Variants in HTR1F observed in about 807,000 individuals in gnomAD.
The protein encoded by HTR1F is 5-hydroxytryptamine receptor 1F.
Under a neutral mutation model 24.0 loss-of-function variants are expected in HTR1F, and 17 were observed. The observed-to-expected ratio is 0.71, with a 90% CI of 0.48 to 1.06. The LOEUF is 1.06. Ranked by LOEUF, HTR1F falls within the 50% of genes least tolerant of loss-of-function variation. The pLI is 0.00. For missense variants in HTR1F, 391 were observed against 427.8 expected, an observed-to-expected ratio of 0.91 and a Z score of 0.76; for synonymous variants, 186 against 156.8, an observed-to-expected ratio of 1.19 and a Z score of -1.39.
At chr3:87,903,080 A>G (rs1576008514) in intron 2 of HTR1F, among the ~76,000 whole-genome samples, 2 of 152,108 alleles carry the variant, frequency 1.3e-5, no homozygotes, top group South Asian at 4.2e-4. Context: ...ATATGTAGAA[A>G]GCTGAAACTG....
At chr3:87,914,797 G>T (rs564017720) in intron 2 of HTR1F, among the ~76,000 whole-genome samples, 1 of 152,142 alleles carries the variant, frequency 6.6e-6, no homozygotes, top group South Asian at 2.1e-4. Context: ...ACTCTTGGGA[G>T]TTCTAGGGCC....
chr3:87,871,915 A>G (rs1705566944), intron 2 of HTR1F, among the ~76,000 whole-genome samples: 1 of 152,140 alleles, frequency 6.6e-6, no homozygotes, highest in African/African-American at 2.4e-5. Flanking sequence ...AATGGACCTA[A>G]CAAACATATA....
intron 2 of HTR1F, among the ~76,000 whole-genome samples, chr3:87,851,450 A>C (rs536421878): frequency 1.3e-5 from 2 of 151,672 alleles, no homozygotes; most frequent in Non-Finnish European, 2.9e-5. Flanking sequence ...GGTAATCTAT[A>C]AAAATTTGCT....
intron 1 of HTR1F, among the ~76,000 whole-genome samples, chr3:87,819,765 T>C (rs1302224938): frequency 1.3e-5 from 2 of 151,982 alleles, no homozygotes; most frequent in African/African-American, 4.8e-5. Flanking sequence ...GAATATTAGC[T>C]AATAGGGGCA....
chr3:87,878,988 T>C lies in HTR1F; in HGVS notation c.-43+56864T>C, dbSNP rs1705728896. Among the ~76,000 whole-genome samples, 3 of 152,192 alleles carry C rather than the reference T, an allele frequency of 2.0e-5. No individual in the cohort carries two copies. The South Asian group carries it at 6.2e-4, about 32-fold the overall frequency. On this transcript the variant is annotated intron_variant, in intron 2 of 2. Coordinates refer to ENST00000319595, the MANE Select transcript of HTR1F (RefSeq NM_001322209.2). ...AATAACTGTTATGTATATGTAAATATAGACAGAAATATTTCTAAGTAGAAA... is the reference window on the plus strand; with the variant it reads ...AATAACTGTTATGTATATGTAAATACAGACAGAAATATTTCTAAGTAGAAA...
chr3:87,991,045 G>A lies in HTR1F; in HGVS notation c.296G>A (p.Trp99Ter), dbSNP rs765269612. The change falls in exon 3 of 3, where the codon TGG becomes TAG. Residue 99 changes from tryptophan to a stop codon, truncating the protein, a stop_gained. Transcript: ENST00000319595. LOFTEE classifies it high-confidence loss of function. Reference protein sequence around the residue: ...WIMGQVVCDIWLSVDITCCTC... With the variant: ...WIMGQVVCDI ...ATGGGGCAAGTGGTCTGTGACATTT[G>A]GCTGAGTGTTGACATTACCTGCTGC... is the stretch of plus-strand genomic sequence containing the variant. 6.2e-7 allele frequency: 1 copy of A among 1,614,004 alleles called. No homozygotes were observed. Among genetic ancestry groups the A allele is most frequent in the Non-Finnish European group, 8.5e-7 (1 of 1,180,024 alleles).
Position 87,806,129 on chromosome 3 carries a change from A to G in HTR1F, c.-160+13287A>G, listed in dbSNP as rs532398475. On this transcript the variant is annotated intron_variant, in intron 1 of 2. Coordinates refer to ENST00000319595, the MANE Select transcript of HTR1F (RefSeq NM_001322209.2). Reference sequence around the variant, plus strand: ...TGGAAAATAGTATTCCATTGTGTATAAATCCCACATTTTCTTTATTCATCC... The same window carrying G: ...TGGAAAATAGTATTCCATTGTGTATGAATCCCACATTTTCTTTATTCATCC... 3.0e-3 allele frequency among the ~76,000 whole-genome samples: 460 copies of G among 152,222 alleles called. 7 individuals are homozygous for G. Among genetic ancestry groups the G allele is most frequent in the African/African-American group, 0.011 (442 of 41,556 alleles).
chr3:87,956,577 T>C (rs1559648179), intron 2 of HTR1F, among the ~76,000 whole-genome samples: 1 of 151,364 alleles, frequency 6.6e-6, no homozygotes, highest in Non-Finnish European at 1.5e-5. Flanking sequence ...TATAGATAAA[T>C]TTGGGAATAA....
chr3:87,968,216 T>A (rs1042367323), intron 2 of HTR1F, among the ~76,000 whole-genome samples: 32 of 141,584 alleles, frequency 2.3e-4, no homozygotes, highest in Admixed American at 5.6e-4. Flanking sequence ...GCAGAAGAAA[T>A]TTTTTTTTTT....
chr3:87,986,509 G>T (rs1705665010), intron 2 of HTR1F, among the ~76,000 whole-genome samples: 1 of 151,966 alleles, frequency 6.6e-6, no homozygotes, highest in Non-Finnish European at 1.5e-5. Context: ...CCATTTTATT[G>T]AGCTTAATTT....
intron 2 of HTR1F, among the ~76,000 whole-genome samples, chr3:87,832,966 T>G (rs1704613841): frequency 6.6e-6 from 1 of 152,212 alleles, no homozygotes; most frequent in African/African-American, 2.4e-5. Context: ...AGGACTTACG[T>G]GTCTGGAAAT....
chr3:87,973,214 T>G (rs1370799631), intron 2 of HTR1F, among the ~76,000 whole-genome samples: 2 of 152,074 alleles, frequency 1.3e-5, no homozygotes, highest in Non-Finnish European at 2.9e-5. Flanking sequence ...GACTCTAATT[T>G]TTACCTATTC....
intron 2 of HTR1F, among the ~76,000 whole-genome samples, chr3:87,911,289 C>T (rs549240827): frequency 2.6e-5 from 4 of 151,980 alleles, no homozygotes; most frequent in East Asian, 3.9e-4. Context: ...GGGATGTTAC[C>T]GCTGACCACA....
chr3:87,883,429 C>A (rs1160908607), intron 2 of HTR1F, among the ~76,000 whole-genome samples: 5 of 152,168 alleles, frequency 3.3e-5, no homozygotes, highest in African/African-American at 1.2e-4. Flanking sequence ...CAAAGGATTA[C>A]AGCTCCTTGC....
intron 2 of HTR1F, among the ~76,000 whole-genome samples, chr3:87,883,451 C>T (rs1705857967): frequency 6.6e-6 from 1 of 152,100 alleles, no homozygotes; most frequent in Non-Finnish European, 1.5e-5. Context: ...AGCAACAGAA[C>T]AAAGCTGGAT....
At chr3:87,840,177 C>A (rs772062557) in intron 2 of HTR1F, among the ~76,000 whole-genome samples, 1 of 151,964 alleles carries the variant, frequency 6.6e-6, no homozygotes, top group East Asian at 1.9e-4. Context: ...TTGTTCATGT[C>A]CTTTGTTCAC....
intron 2 of HTR1F, among the ~76,000 whole-genome samples, chr3:87,941,424 A>G (rs6764966): frequency 0.016 from 2,461 of 152,260 alleles, 57 homozygotes; most frequent in African/African-American, 0.055. Flanking sequence ...CTGTAAGCAG[A>G]GCTGAGCCTT....
intron 2 of HTR1F, 44 bp from the exon 3 acceptor site, chr3:87,990,664 C>A: frequency 2.1e-6 from 2 of 965,022 alleles, no homozygotes; most frequent in Admixed American, 2.4e-5. Context: ...GAGAAAAGTT[C>A]TTGAAGCCTT....
At chr3:87,809,385 C>T (rs1286948140) in intron 1 of HTR1F, among the ~76,000 whole-genome samples, 1 of 151,768 alleles carries the variant, frequency 6.6e-6, no homozygotes, top group Non-Finnish European at 1.5e-5. Context: ...TTTTAAGAAG[C>T]GATTTCAAAC....
Sources: allele counts gnomAD v4.1 joint callset (sites outside exome capture counted in the v4.1 genomes callset), GRCh38; gene constraint gnomAD v4.1.1; transcripts MANE v1.5; gene names NCBI Gene and HGNC (gene_info 2026-07-23, HGNC 2026-07-21).